The following SMYD3 variants were observed in gnomAD, a reference collection of about 807,000 sequenced individuals.
SMYD3 encodes SET and MYND domain containing 3.
Under a neutral mutation model 57.7 loss-of-function variants are expected in SMYD3, and 36 were observed. The observed-to-expected ratio is 0.62, with a 90% CI of 0.48 to 0.82. SMYD3 has a LOEUF of 0.82. Among genes scored for constraint, SMYD3 ranks in the 40% least tolerant of loss-of-function variants. The probability of loss-of-function intolerance (pLI) is 0.00; values close to 1 mark genes in which losing one functional copy is unlikely to be tolerated. For missense variants in SMYD3, 515 were observed against 538.8 expected (o/e 0.96, Z 0.44); for synonymous variants, 211 against 195.0 (o/e 1.08, Z -0.68).
chr1:246,501,884 T>A (rs928437383), intron 1 of SMYD3, among the ~76,000 whole-genome samples: 1 of 152,212 alleles, frequency 6.6e-6, no homozygotes, highest in Non-Finnish European at 1.5e-5. Flanking sequence ...GAAGACTATT[T>A]CCAATCTCTC....
intron 7 of SMYD3, among the ~76,000 whole-genome samples, chr1:245,920,650 C>A (rs922316403): frequency 6.6e-6 from 1 of 152,204 alleles, no homozygotes; most frequent in Non-Finnish European, 1.5e-5. Flanking sequence ...GACGCTCATT[C>A]TCCCAACCTT....
At chr1:246,014,658 G>C (rs969935949) in intron 5 of SMYD3, among the ~76,000 whole-genome samples, 3 of 152,096 alleles carry the variant, frequency 2.0e-5, no homozygotes, top group Non-Finnish European at 2.9e-5. Flanking sequence ...GCTACTTTTA[G>C]ACTTTTGGAC....
chr1:246,098,087 A>G (rs529564083), intron 5 of SMYD3, among the ~76,000 whole-genome samples: 35 of 152,288 alleles, frequency 2.3e-4, no homozygotes, highest in African/African-American at 7.7e-4. Context: ...ATCAAGATAA[A>G]CAAGATACAA....
chr1:246,391,354 T>A (rs566353886), intron 1 of SMYD3, among the ~76,000 whole-genome samples: 2 of 145,344 alleles, frequency 1.4e-5, no homozygotes, highest in African/African-American at 5.2e-5. Context: ...CACTCCAGCC[T>A]GAGAAACAAA....
intron 5 of SMYD3, among the ~76,000 whole-genome samples, chr1:245,989,444 G>C (rs2148108695): frequency 6.6e-6 from 1 of 152,300 alleles, no homozygotes; most frequent in Non-Finnish European, 1.5e-5. Flanking sequence ...GGCATTACTT[G>C]TTAACAGGCC....
In SMYD3 at chr1:246,230,958, C is replaced by T. The variant is rs548425182; in HGVS notation, c.531+96243G>A. Among the ~76,000 whole-genome samples, 16 of 152,346 alleles carry T rather than the reference C, an allele frequency of 1.1e-4. No homozygotes were observed. The South Asian group carries it at 3.1e-3, about 30-fold the overall frequency. ...ATTTCTCTCACAGTAGTATCTCTCTCAGTTACTCAGTTTCCTAACTTTGAC... is the reference window on the plus strand; with the variant it reads ...ATTTCTCTCACAGTAGTATCTCTCTTAGTTACTCAGTTTCCTAACTTTGAC... On this transcript the variant is annotated intron_variant, in intron 5 of 11. Transcript: ENST00000490107.
chr1:245,833,073 A>AAAAAAAAAAAAAACACAAC, intron 10 of SMYD3, among the ~76,000 whole-genome samples: 30 of 128,606 alleles, frequency 2.3e-4, no homozygotes, highest in Middle Eastern at 3.8e-3. Context: ...AAAAAAAAAA[A>AAAAAAAAAAAAAACACAAC]AACCTGCTTT....
At chr1:245,988,769 G>T (rs1369627521) in intron 5 of SMYD3, among the ~76,000 whole-genome samples, 1 of 152,202 alleles carries the variant, frequency 6.6e-6, no homozygotes, top group Non-Finnish European at 1.5e-5. Flanking sequence ...GGTTTGGGAG[G>T]AGGCTGAGCA....
At chr1:245,928,162 G>T in intron 6 of SMYD3, 129 bp from the exon 7 acceptor site, 1 of 581,240 alleles carries the variant, frequency 1.7e-6, no homozygotes, top group Non-Finnish European at 3.1e-6. Context: ...GGATGCCAGG[G>T]GTTCAGTACT....
chr1:246,316,932 T>C (rs1406038222), intron 5 of SMYD3, among the ~76,000 whole-genome samples: 2 of 150,700 alleles, frequency 1.3e-5, no homozygotes, highest in Non-Finnish European at 3.0e-5. Context: ...GAGGTGGAGG[T>C]TGCAGTGAGC....
At chr1:246,433,878 T>C (rs554494802) in intron 1 of SMYD3, among the ~76,000 whole-genome samples, 1 of 152,132 alleles carries the variant, frequency 6.6e-6, no homozygotes, top group Admixed American at 6.5e-5. Flanking sequence ...AAGTATACTA[T>C]AAGGCCAAAC....
At chr1:246,224,558 A>T (rs1007489443) in intron 5 of SMYD3, among the ~76,000 whole-genome samples, 1 of 152,038 alleles carries the variant, frequency 6.6e-6, no homozygotes, top group African/African-American at 2.4e-5. Flanking sequence ...GGGAAGGTGC[A>T]GGGATTACCT....
intron 5 of SMYD3, among the ~76,000 whole-genome samples, chr1:246,088,542 G>A (rs6677582): frequency 0.64 from 84,602 of 133,196 alleles, 29,001 homozygotes; most frequent in Non-Finnish European, 0.71. Context: ...CCCAGGAGGC[G>A]GAGCTTGCAG....
intron 10 of SMYD3, among the ~76,000 whole-genome samples, chr1:245,789,265 G>C (rs1051213320): frequency 2.6e-5 from 4 of 152,150 alleles, no homozygotes; most frequent in African/African-American, 9.7e-5. Context: ...TGAGGCAAAG[G>C]TCTCCGTAGC....
chr1:245,950,560 A>C (rs2147940107), intron 5 of SMYD3, among the ~76,000 whole-genome samples: 1 of 152,294 alleles, frequency 6.6e-6, no homozygotes, highest in African/African-American at 2.4e-5. Flanking sequence ...TTGACTCTTA[A>C]CATTGCCCAG....
chr1:246,148,464 C>T (rs964326596), intron 5 of SMYD3, among the ~76,000 whole-genome samples: 3 of 152,184 alleles, frequency 2.0e-5, no homozygotes, highest in Non-Finnish European at 2.9e-5. Flanking sequence ...CTCAATAAAG[C>T]TCCTCTTCAT....
chr1:246,247,944 A>C (rs1233630639), intron 5 of SMYD3, among the ~76,000 whole-genome samples: 1 of 152,184 alleles, frequency 6.6e-6, no homozygotes, highest in Non-Finnish European at 1.5e-5. Flanking sequence ...ATGAGTGATG[A>C]GAACATACCC....
chr1:245,916,421 A>G (rs928181452), intron 7 of SMYD3, among the ~76,000 whole-genome samples: 10 of 152,192 alleles, frequency 6.6e-5, no homozygotes, highest in African/African-American at 2.4e-4. Flanking sequence ...CTCTTATGAA[A>G]GTCTAATTCA....
intron 5 of SMYD3, among the ~76,000 whole-genome samples, chr1:245,943,161 C>T (rs1411343852): frequency 7.8e-5 from 8 of 103,076 alleles, no homozygotes; most frequent in Non-Finnish European, 1.3e-4. Context: ...GACAGACACA[C>T]ACACACTTTC....
Sources: gnomAD v4.1 joint callset for allele counts (sites outside exome capture counted in the v4.1 genomes callset) on GRCh38, gnomAD v4.1.1 for gene constraint, MANE v1.5 for transcripts, NCBI Gene and HGNC (gene_info 2026-07-23, HGNC 2026-07-21) for gene names.